Variants in TMEM218 observed in about 807,000 individuals in gnomAD.
TMEM218 encodes the protein transmembrane protein 218.
Under a neutral mutation model 10.0 loss-of-function variants are expected in TMEM218, and 8 were observed. The ratio of observed to expected loss-of-function variants is 0.80; its 90% CI spans 0.47 to 1.44. The LOEUF is 1.44. Ranked by LOEUF, TMEM218 falls within the 40% of genes most tolerant of loss-of-function variation. The pLI is 0.00. For missense variants in TMEM218, 110 were observed against 140.1 expected (o/e 0.79, Z 1.08); for synonymous variants, 66 against 63.5 (o/e 1.04, Z -0.18).
intron 1 of TMEM218, chr11:125,104,201 TG>T (rs1429849865): frequency 6.6e-6 from 1 of 152,232 alleles, no homozygotes; most frequent in African/African-American, 2.4e-5. Flanking sequence ...TGAGGGGAGA[TG>T]GGACCTGGGG....
chr11:125,101,755 G>T, intron 3 of TMEM218: 1 of 492,424 alleles, frequency 2.0e-6, no homozygotes, highest in Non-Finnish European at 3.5e-6. Context: ...GATATAGAAA[G>T]CAGGCCCAAC....
At position 125,101,266 on chromosome 11, in the gene TMEM218, T is replaced by C. The variant is rs1591381383; in HGVS notation, c.148A>G (p.Ile50Val). Residue 50 changes from isoleucine (I) to valine (V), a missense_variant, in exon 4 of 5, where the codon ATC becomes GTC. Transcript: ENST00000682305. ...GGGAAAAGCAACAGAACTGATGTGA[T>C]GATCACAGCACCGAAGAATAAAAAA... is the stretch of plus-strand genomic sequence containing the variant. ...VIFLFFGAVI[I>V]TSVLLLFPRA... The C allele has an allele frequency of 6.2e-7, 1 of 1,613,716 alleles. No individual in the cohort carries two copies. The highest frequency in any genetic ancestry group is 8.5e-7 in the Non-Finnish European group (1 of 1,179,732).
At chr11:125,100,524 G>A (rs1397730049) in intron 4 of TMEM218, among the ~76,000 whole-genome samples, 1 of 152,240 alleles carries the variant, frequency 6.6e-6, no homozygotes, top group African/African-American at 2.4e-5. Flanking sequence ...GAGGAAAGCT[G>A]TGAGAAGGAG....
rs577952050 is a variant in TMEM218, at chr11:125,108,067, G to A, written c.-153+3472C>T. On this transcript the variant is annotated intron_variant, in intron 1 of 4. Coordinates refer to ENST00000682305, the MANE Select transcript of TMEM218 (RefSeq NM_001258244.2). The surrounding 1 kb of genome is among the most constrained non-coding windows in gnomAD (Gnocchi z 5.3). ...ACAATTTTTTGTGGAACTTGAAAAC[G>A]GATCCTAAATTCATATGGAAGAGCA... 1.4e-4 allele frequency among the ~76,000 whole-genome samples: 21 copies of A among 152,086 alleles called. No individual in the cohort carries two copies. The highest frequency in any genetic ancestry group is 1.0e-3 in the South Asian group (5 of 4,820).
chr11:125,104,599 A>T (rs939503251), intron 1 of TMEM218: 8 of 152,366 alleles, frequency 5.3e-5, no homozygotes, highest in African/African-American at 1.9e-4. Flanking sequence ...AACTCCACGA[A>T]GGCAGAGACC....
At chr11:125,099,540 C>A (rs562687567) in intron 4 of TMEM218, among the ~76,000 whole-genome samples, 1 of 152,300 alleles carries the variant, frequency 6.6e-6, no homozygotes, top group South Asian at 2.1e-4. Flanking sequence ...GGATTGATTT[C>A]AAAAATGTGT....
chr11:125,109,480 G>C (rs1261346491), intron 1 of TMEM218, among the ~76,000 whole-genome samples: 1 of 152,172 alleles, frequency 6.6e-6, no homozygotes, highest in East Asian at 1.9e-4. Flanking sequence ...TTGAGCTGGT[G>C]TGCCAAAATG....
At position 125,095,868 on chromosome 11, in the gene TMEM218, G is replaced by GT. The variant is rs1949582408; in HGVS notation, c.*1737dup. Among the ~76,000 whole-genome samples, 1 of 152,128 alleles carries GT rather than the reference G, an allele frequency of 6.6e-6. No homozygotes were observed. Among genetic ancestry groups the GT allele is most frequent in the Non-Finnish European group, 1.5e-5 (1 of 68,014 alleles). On this transcript the variant is annotated 3_prime_UTR_variant, in exon 5 of 5. Transcript: ENST00000682305. ...GATTCATGGTCAGGAACCTATAAGA[G>GT]TTTTCCCAGAGTTACTTTTTTAGCA...
rs781050487 is a variant in TMEM218 at position 125,102,285 on chromosome 11, G to A, written c.-44C>T. 7.5e-6 allele frequency: 12 copies of A among 1,595,706 alleles called. No individual in the cohort carries two copies. Among genetic ancestry groups the A allele is most frequent in the African/African-American group, 1.3e-5 (1 of 74,394 alleles). ...CGGCCCCCCGCCCTGCGCGCCGCAC[G>A]ATCGAGTGTCCTCTGTGCTCCAGTG... On this transcript the variant is annotated 5_prime_UTR_variant, in exon 3 of 5. Coordinates refer to ENST00000682305, the MANE Select transcript of TMEM218 (RefSeq NM_001258244.2).
In TMEM218 at chr11:125,094,956, C is replaced by G. The variant is rs1425850122; in HGVS notation, c.*2650G>C. ...GGATTCGAGAATGAATGGCTATGTA[C>G]TCCCTAGTCCCTGGACATTGGTATG... On this transcript the variant is annotated 3_prime_UTR_variant, in exon 5 of 5. Transcript: ENST00000682305. Among the ~76,000 whole-genome samples, 1 of 152,158 alleles carries G rather than the reference C, an allele frequency of 6.6e-6. No homozygotes were observed. The highest frequency in any genetic ancestry group is 1.5e-5 in the Non-Finnish European group (1 of 68,034).
chr11:125,097,977 G>A (rs1023801119), intron 4 of TMEM218, among the ~76,000 whole-genome samples: 8 of 152,154 alleles, frequency 5.3e-5, no homozygotes, highest in African/African-American at 1.9e-4. Context: ...TTAGGATGTT[G>A]GTAAACACTT....
chr11:125,101,151 G>A (rs768288239), intron 4 of TMEM218, 50 bp downstream of exon 4: 5 of 1,503,580 alleles, frequency 3.3e-6, no homozygotes, highest in Non-Finnish European at 4.6e-6. Context: ...TGCAGACCAA[G>A]AGAAATAAGA....
At chr11:125,098,681 G>C (rs113768589) in intron 4 of TMEM218, among the ~76,000 whole-genome samples, 1 of 152,222 alleles carries the variant, frequency 6.6e-6, no homozygotes, top group Non-Finnish European at 1.5e-5. Flanking sequence ...GAATATGTTA[G>C]ATTATATGTT....
At chr11:125,103,285 C>T in intron 1 of TMEM218, 1 of 152,332 alleles carries the variant, frequency 6.6e-6, no homozygotes, top group East Asian at 1.9e-4. Flanking sequence ...GTTGCAGGCT[C>T]CTTATGAGAA....
At position 125,108,257 on chromosome 11, in the gene TMEM218, G is replaced by T. The variant is rs1248060375; in HGVS notation, c.-153+3282C>A. Among the ~76,000 whole-genome samples, 1 of 152,150 alleles carries T rather than the reference G, an allele frequency of 6.6e-6. No individual in the cohort carries two copies. The highest frequency in any genetic ancestry group is 1.9e-4 in the East Asian group (1 of 5,202). On this transcript the variant is annotated intron_variant, in intron 1 of 4. Transcript: ENST00000682305. This position sits in a 1 kb window ranked among gnomAD's most constrained non-coding sequence, Gnocchi z 5.3. ...GTATAAAATCAAGAACCCAGAAACAGATCCATGCATTTGTGAGAACTTCCT... is the reference window on the plus strand; with the variant it reads ...GTATAAAATCAAGAACCCAGAAACATATCCATGCATTTGTGAGAACTTCCT...
Position 125,102,800 on chromosome 11 carries a change from A to C in TMEM218, c.-143T>G. On this transcript the variant is annotated 5_prime_UTR_variant, in exon 2 of 5. Transcript: ENST00000682305. ...CGAGTTCTTATTCAAGAGGATGAAA[A>C]CTCCCAGTCCTTAAAGAAGAGGAAC... 1.1e-6 allele frequency: 1 copy of C among 952,020 alleles called. No homozygotes were observed. Among genetic ancestry groups the C allele is most frequent in the Non-Finnish European group, 1.4e-6 (1 of 702,234 alleles). 59.0% of individuals were successfully genotyped at this position (952,020 alleles called of 1,614,324 possible). A position where few individuals can be genotyped will look rare whatever the true frequency, so the allele number is the denominator to read the frequency against.
At chr11:125,102,615 C>G (rs979540269) in intron 2 of TMEM218, 119 bp downstream of exon 2, 60 of 1,310,764 alleles carry the variant, frequency 4.6e-5, no homozygotes, top group Admixed American at 3.2e-4. Flanking sequence ...AAGCTGAACC[C>G]TCTCTGAATA....
At position 125,102,209 on chromosome 11, in the gene TMEM218, G is replaced by A. The variant is rs760536687; in HGVS notation, c.33C>T (p.Gly11=). 38 of 1,612,980 alleles carry A rather than the reference G, an allele frequency of 2.4e-5. No individual in the cohort carries two copies. In the Admixed American group the frequency reaches 5.3e-4, roughly 23 times the overall value. Residue 11 remains glycine, a synonymous_variant, in exon 3 of 5, where the codon GGC becomes GGT. Transcript: ENST00000682305. ...CCCAGAGCAGGGCTAAGATGAACACGCCCGCACCGACTCCGAGCACAGTGC... is the reference window on the plus strand; with the variant it reads ...CCCAGAGCAGGGCTAAGATGAACACACCCGCACCGACTCCGAGCACAGTGC... MAGTVLGVGA[G]VFILALLWVA... is the part of the protein sequence containing the mutation.
intron 1 of TMEM218, among the ~76,000 whole-genome samples, chr11:125,106,252 G>GA (rs1351322521): frequency 3.0e-4 from 46 of 150,964 alleles, no homozygotes; most frequent in African/African-American, 1.0e-3. Flanking sequence ...AGCCACAGTT[G>GA]AAAAAAAACC....
Sources: gnomAD v4.1 joint callset for allele counts (sites outside exome capture counted in the v4.1 genomes callset) on GRCh38, gnomAD v4.1.1 for gene constraint, Gnocchi (gnomAD v3.1) non-coding constraint, MANE v1.5 for transcripts, NCBI Gene and HGNC (gene_info 2026-07-23, HGNC 2026-07-21) for gene names.